Variants in TRMT44 observed in about 807,000 individuals in gnomAD.
The protein encoded by TRMT44 is tRNA methyltransferase 44 homolog, also known as probable tRNA (uracil-O(2)-)-methyltransferase.
In TRMT44, 78 loss-of-function variants were observed where a neutral mutation model predicts 77.3. The ratio of observed to expected loss-of-function variants is 1.01; its 90% CI spans 0.84 to 1.22. The LOEUF is 1.22. TRMT44 is among the 50% of genes most tolerant of loss of function. The probability of loss-of-function intolerance (pLI) is 0.00; values close to 1 mark genes in which losing one functional copy is unlikely to be tolerated. For missense variants in TRMT44, 1,090 were observed against 964.4 expected (o/e 1.13, Z -1.73); for synonymous variants, 391 against 383.3 (o/e 1.02, Z -0.23).
Position 8,452,061 on chromosome 4 carries a change from G to C in TRMT44, c.1023+33G>C. The C allele has an allele frequency of 6.6e-7, 1 of 1,526,300 alleles. No homozygotes were observed. The highest frequency in any genetic ancestry group is 8.8e-7 in the Non-Finnish European group (1 of 1,137,704). 94.5% of individuals were successfully genotyped at this position (1,526,300 alleles called of 1,614,324 possible). On this transcript the variant is annotated intron_variant, in intron 4 of 10. Transcript: ENST00000389737. The surrounding 1 kb of genome is among the most constrained non-coding windows in gnomAD (Gnocchi z 5.7). The stretch of plus-strand genomic sequence containing the variant: ...TGTAAGCGACCTCAGCTTCTCTGGA[G>C]TGGGTGGAGTTTGCTACAGGCAGAT...
intron 2 of TRMT44, among the ~76,000 whole-genome samples, chr4:8,449,149 A>G (rs1266359567): frequency 6.6e-6 from 1 of 152,240 alleles, no homozygotes; most frequent in African/African-American, 2.4e-5. Context: ...CGGAGCAGTG[A>G]GCAAGACAGA....
downstream of TRMT44, among the ~76,000 whole-genome samples, chr4:8,480,141 C>G (rs549048983): frequency 1.3e-5 from 2 of 152,172 alleles, no homozygotes; most frequent in African/African-American, 2.4e-5. Flanking sequence ...CTGCAGCAGC[C>G]TCAACTCTTG....
Position 8,452,005 on chromosome 4 carries a change from G to T in TRMT44, c.1000G>T (p.Val334Leu). 1 of 1,536,738 alleles carries T rather than the reference G, an allele frequency of 6.5e-7. No individual in the cohort carries two copies. The highest frequency in any genetic ancestry group is 8.7e-7 in the Non-Finnish European group (1 of 1,147,012). The change falls in exon 4 of 11, where the codon GTG becomes TTG. Residue 334 changes from valine (V) to leucine (L), a missense_variant. Transcript: ENST00000389737. This position sits in a 1 kb window ranked among gnomAD's most constrained non-coding sequence, Gnocchi z 5.7. ...TCCTGAGAAGTTCGTGTATGAAGAT[G>T]TGGCTATCGCAGCATACCTGCTGGT... The part of the protein sequence containing the change: ...TDPEKFVYED[V>L]AIAAYLLILW...
intron 10 of TRMT44, chr4:8,473,345 G>C (rs564896152): frequency 6.6e-6 from 1 of 152,458 alleles, no homozygotes; most frequent in Admixed American, 6.5e-5. Context: ...GTACACGCGG[G>C]GCCTCATCTC....
intron 2 of TRMT44, among the ~76,000 whole-genome samples, chr4:8,489,170 C>T (rs1727915500): frequency 6.6e-6 from 1 of 152,212 alleles, no homozygotes; most frequent in Non-Finnish European, 1.5e-5. Flanking sequence ...CCCATGTGCT[C>T]ACTGTTTCGC....
intron 5 of TRMT44, chr4:8,454,293 G>T (rs927549679): frequency 2.4e-5 from 4 of 165,454 alleles, no homozygotes; most frequent in Non-Finnish European, 4.0e-5. Context: ...GACCATTAGC[G>T]CAGTACACCT....
intron 6 of TRMT44, among the ~76,000 whole-genome samples, chr4:8,455,671 G>A (rs981996837): frequency 6.6e-6 from 1 of 152,172 alleles, no homozygotes; most frequent in Non-Finnish European, 1.5e-5. Flanking sequence ...GGCTGCTTCT[G>A]CTCATTTAAC....
intron 7 of TRMT44, among the ~76,000 whole-genome samples, chr4:8,464,980 C>T (rs1232289870): frequency 1.3e-5 from 2 of 152,100 alleles, no homozygotes; most frequent in East Asian, 1.9e-4. Context: ...AACGAAATGC[C>T]GCATGTTCTC....
intron 2 of TRMT44, among the ~76,000 whole-genome samples, chr4:8,482,686 C>T (rs2688220): frequency 0.49 from 74,708 of 151,840 alleles, 18,567 homozygotes; most frequent in Admixed American, 0.54. Flanking sequence ...AAGGCAAGGA[C>T]AGGCCATGTA....
chr4:8,453,080 A>G, intron 5 of TRMT44, 91 bp downstream of exon 5: 6 of 718,150 alleles, frequency 8.4e-6, no homozygotes, highest in East Asian at 3.1e-5. Context: ...TTCTGCTGAT[A>G]CAGCCTGGAT....
At chr4:8,489,731 G>T (rs1018335108) in intron 2 of TRMT44, among the ~76,000 whole-genome samples, 53 of 152,146 alleles carry the variant, frequency 3.5e-4, no homozygotes, top group Non-Finnish European at 4.7e-4. Flanking sequence ...GCCTGCCTTG[G>T]CCTCCCAAAG....
chr4:8,491,044 A>G (rs926373599), intron 2 of TRMT44, among the ~76,000 whole-genome samples: 9 of 151,842 alleles, frequency 5.9e-5, no homozygotes, highest in African/African-American at 2.2e-4. Flanking sequence ...TGTGTTTACA[A>G]ACCTTGAGCT....
chr4:8,459,248 ACCC>A (rs779341926), intron 6 of TRMT44, among the ~76,000 whole-genome samples: 7 of 152,050 alleles, frequency 4.6e-5, no homozygotes, highest in Non-Finnish European at 1.0e-4. Context: ...GGGGTTCAGA[ACCC>A]CCAACCCCCA....
At chr4:8,516,834 G>A in the TRMT44 span, among the ~76,000 whole-genome samples, 1 of 152,194 alleles carries the variant, frequency 6.6e-6, no homozygotes, top group Non-Finnish European at 1.5e-5. Flanking sequence ...GAACTCATCA[G>A]AGAGGGTTGT....
the TRMT44 span, among the ~76,000 whole-genome samples, chr4:8,498,767 T>C: frequency 6.6e-6 from 1 of 152,152 alleles, no homozygotes; most frequent in Non-Finnish European, 1.5e-5. This position sits in a 1 kb window ranked among gnomAD's most constrained non-coding sequence, Gnocchi z 4.3. Flanking sequence ...GTAGAAGCGA[T>C]GCCACTGTGC....
the TRMT44 span, among the ~76,000 whole-genome samples, chr4:8,499,495 A>G: frequency 3.8e-5 from 5 of 132,986 alleles, no homozygotes; most frequent in African/African-American, 1.1e-4. Flanking sequence ...TTTCGTCTCT[A>G]TTCTCCCTTT....
chr4:8,443,102 T>C (rs896125099), intron 1 of TRMT44, among the ~76,000 whole-genome samples: 1 of 152,262 alleles, frequency 6.6e-6, no homozygotes, highest in Admixed American at 6.5e-5. Context: ...CTCCCAATAC[T>C]GTCTGCCTCT....
chr4:8,457,247 C>G (rs1308532414), intron 6 of TRMT44, among the ~76,000 whole-genome samples: 1 of 152,162 alleles, frequency 6.6e-6, no homozygotes, highest in Non-Finnish European at 1.5e-5. Context: ...CTGCCCTTAT[C>G]TGTAAAGCTG....
At chr4:8,486,585 T>C (rs185492435) in intron 2 of TRMT44, among the ~76,000 whole-genome samples, 1 of 152,226 alleles carries the variant, frequency 6.6e-6, no homozygotes, top group East Asian at 1.9e-4. Flanking sequence ...TTCTGACTTT[T>C]TAGGGTCTAG....
Sources: allele counts gnomAD v4.1 joint callset (sites outside exome capture counted in the v4.1 genomes callset), GRCh38; gene constraint gnomAD v4.1.1; non-coding constraint Gnocchi (gnomAD v3.1); transcripts MANE v1.5; gene names NCBI Gene and HGNC (gene_info 2026-07-23, HGNC 2026-07-21).